CLASP2: variants seen among roughly 807,000 people sequenced by gnomAD.
The protein encoded by CLASP2 is CLIP-associating protein 2.
In CLASP2, 47 loss-of-function variants were observed where a neutral mutation model predicts 194.4. That is an observed-to-expected ratio of 0.24 (90% CI 0.19 to 0.31). CLASP2 has a LOEUF of 0.31. CLASP2 is among the 10% of genes least tolerant of loss of function. The pLI is 1.00. For synonymous variants in CLASP2, 619 were observed against 633.5 expected, an observed-to-expected ratio of 0.98 and a Z score of 0.34; for missense variants, 1,445 against 1,823.6, an observed-to-expected ratio of 0.79 and a Z score of 3.78.
At chr3:33,692,057 T>C (rs1427718354) in intron 2 of CLASP2, among the ~76,000 whole-genome samples, 1 of 152,066 alleles carries the variant, frequency 6.6e-6, no homozygotes, top group Non-Finnish European at 1.5e-5. Flanking sequence ...GTAGCCCAGC[T>C]ACTTGGGAGG....
At chr3:33,570,903 TGG>T in intron 25 of CLASP2, 113 bp from the exon 26 acceptor site, 1 of 963,618 alleles carries the variant, frequency 1.0e-6, no homozygotes, top group East Asian at 2.7e-5. Context: ...AGGTTGGGCA[TGG>T]TGGCTCACGC....
intron 20 of CLASP2, among the ~76,000 whole-genome samples, chr3:33,594,596 G>C (rs74554035): frequency 0.033 from 5,034 of 150,920 alleles, 134 homozygotes; most frequent in Non-Finnish European, 0.049. Context: ...TAAATGAATT[G>C]GCATAAATAA....
intron 1 of CLASP2, among the ~76,000 whole-genome samples, chr3:33,707,028 A>G (rs1366305025): frequency 6.6e-6 from 1 of 152,230 alleles, no homozygotes; most frequent in African/African-American, 2.4e-5. Context: ...GAATAAATCT[A>G]GAAACAATGA....
At chr3:33,645,437 C>T (rs1039181196) in intron 7 of CLASP2, 1 of 724,704 alleles carries the variant, frequency 1.4e-6, no homozygotes, top group African/African-American at 1.7e-5. Context: ...AACCACAGAA[C>T]CACCACTGAG....
At chr3:33,692,588 T>G (rs937896765) in intron 2 of CLASP2, among the ~76,000 whole-genome samples, 2 of 152,104 alleles carry the variant, frequency 1.3e-5, no homozygotes, top group Admixed American at 6.5e-5. Context: ...AAACAGAAAA[T>G]TCCCTGAACT....
At chr3:33,703,885 A>G (rs918823380) in intron 1 of CLASP2, among the ~76,000 whole-genome samples, 6 of 152,276 alleles carry the variant, frequency 3.9e-5, no homozygotes, top group Non-Finnish European at 1.5e-5. Context: ...GTACATTCAG[A>G]CAATGGAATA....
intron 1 of CLASP2, among the ~76,000 whole-genome samples, chr3:33,708,738 G>A (rs1320091690): frequency 1.3e-5 from 2 of 151,858 alleles, no homozygotes; most frequent in African/African-American, 2.4e-5. Flanking sequence ...TGGAGCACAT[G>A]GTAGTTCTAT....
chr3:33,516,585 G>A (rs1008898527), intron 35 of CLASP2, among the ~76,000 whole-genome samples: 1 of 151,976 alleles, frequency 6.6e-6, no homozygotes, highest in Non-Finnish European at 1.5e-5. Flanking sequence ...GAGAATCACT[G>A]GAGCCTGGGA....
intron 18 of CLASP2, among the ~76,000 whole-genome samples, chr3:33,600,088 TTGTG>T (rs371922867): frequency 2.0e-5 from 3 of 151,044 alleles, no homozygotes; most frequent in South Asian, 2.1e-4. Flanking sequence ...TATATTTTTT[TTGTG>T]TGTGTGTGTG....
chr3:33,547,140 C>T (rs2059271891), intron 30 of CLASP2, among the ~76,000 whole-genome samples: 1 of 152,108 alleles, frequency 6.6e-6, no homozygotes, highest in African/African-American at 2.4e-5. Flanking sequence ...CTCTGTGTCC[C>T]CACACAAATC....
chr3:33,510,761 C>A lies in CLASP2; in HGVS notation c.4114G>T (p.Val1372Leu). ...GATGCCGCTTCCTCAGCAGATCTCA[C>A]CACCTAAAAAAAATAGGAAATTAAG... ...EAHKDPHKEV[V>L]RSAEEAASVL... The change falls in exon 37 of 39, where the codon GTG (valine) becomes TTG (leucine). Residue 1372 changes from valine to leucine, a missense_variant. Val to Leu is a conservative substitution (Grantham distance 32, BLOSUM62 1). Transcript: ENST00000682230. 6.2e-7 allele frequency: 1 copy of A among 1,602,888 alleles called. No individual in the cohort carries two copies. The highest frequency in any genetic ancestry group is 8.5e-7 in the Non-Finnish European group (1 of 1,174,526).
At chr3:33,677,566 AG>A (rs1386904973) in intron 6 of CLASP2, among the ~76,000 whole-genome samples, 1 of 67,810 alleles carries the variant, frequency 1.5e-5, no homozygotes, top group Non-Finnish European at 2.6e-5. Context: ...GGGTGGGGGG[AG>A]GGGGGAGGGA....
At chr3:33,614,413 AC>A (rs1328172626) in intron 12 of CLASP2, among the ~76,000 whole-genome samples, 1 of 152,238 alleles carries the variant, frequency 6.6e-6, no homozygotes, top group Non-Finnish European at 1.5e-5. Flanking sequence ...AGACAGAAGT[AC>A]TAAATAAAGA....
intron 1 of CLASP2, among the ~76,000 whole-genome samples, chr3:33,704,332 G>T (rs144788888): frequency 6.6e-6 from 1 of 151,980 alleles, no homozygotes; most frequent in African/African-American, 2.4e-5. Flanking sequence ...AGAAGCAGGC[G>T]GACATATGAG....
chr3:33,716,259 G>A (rs552875338), intron 1 of CLASP2, among the ~76,000 whole-genome samples: 1 of 152,140 alleles, frequency 6.6e-6, no homozygotes, highest in African/African-American at 2.4e-5. Context: ...GAGAAAATAC[G>A]TAGTGAAAAC....
intron 1 of CLASP2, among the ~76,000 whole-genome samples, chr3:33,707,983 T>C (rs2092774428): frequency 6.6e-6 from 1 of 152,174 alleles, no homozygotes; most frequent in Admixed American, 6.5e-5. Context: ...ACTCTGTGGA[T>C]ATAATTAAGG....
intron 18 of CLASP2, among the ~76,000 whole-genome samples, chr3:33,602,119 T>A (rs1314221097): frequency 6.6e-6 from 1 of 151,920 alleles, no homozygotes; most frequent in African/African-American, 2.4e-5. Flanking sequence ...GTTCAAGTGA[T>A]TCTCCTGCCT....
intron 22 of CLASP2, 136 bp from the exon 23 acceptor site, chr3:33,582,064 C>T: frequency 1.6e-6 from 1 of 610,140 alleles, no homozygotes; most frequent in Non-Finnish European, 2.9e-6. Context: ...AGAAATTACT[C>T]TTGCTGAAGC....
At chr3:33,537,002 G>C (rs571556359) in intron 33 of CLASP2, among the ~76,000 whole-genome samples, 2 of 152,292 alleles carry the variant, frequency 1.3e-5, no homozygotes, top group South Asian at 2.1e-4. Flanking sequence ...GAGCTGAATA[G>C]AGTCATAGGA....
Sources: allele counts gnomAD v4.1 joint callset (sites outside exome capture counted in the v4.1 genomes callset), GRCh38; gene constraint gnomAD v4.1.1; transcripts MANE v1.5; gene names NCBI Gene and HGNC (gene_info 2026-07-23, HGNC 2026-07-21).